TMEM94: variants seen among roughly 807,000 people sequenced by gnomAD.
TMEM94 encodes transmembrane protein 94.
Under a neutral mutation model 158.6 loss-of-function variants are expected in TMEM94, and 81 were observed. The ratio of observed to expected loss-of-function variants is 0.51; its 90% CI spans 0.43 to 0.61. TMEM94 has a LOEUF of 0.61. TMEM94 is among the 20% of genes least tolerant of loss of function. The pLI is 0.00. For synonymous variants in TMEM94, 751 were observed against 730.7 expected (o/e 1.03, Z -0.45); for missense variants, 1,435 against 1,762.0 (o/e 0.81, Z 3.32).
At chr17:75,490,663 C>A in intron 10 of TMEM94, 39 bp from the exon 11 acceptor site, 1 of 1,588,358 alleles carries the variant, frequency 6.3e-7, no homozygotes, top group Non-Finnish European at 8.6e-7. Flanking sequence ...GTGAAGGCGG[C>A]GTTTTCCTCA....
chr17:75,456,917 A>G (rs533174551), intron 1 of TMEM94, among the ~76,000 whole-genome samples, 166 bp downstream of exon 1: 2 of 152,308 alleles, frequency 1.3e-5, no homozygotes, highest in East Asian at 1.9e-4. Context: ...GACTGGCTCT[A>G]GTCTCCAGCT....
At chr17:75,468,567 G>A (rs1052322170) in intron 1 of TMEM94, among the ~76,000 whole-genome samples, 2 of 152,202 alleles carry the variant, frequency 1.3e-5, no homozygotes, top group South Asian at 2.1e-4. Flanking sequence ...TTCAGTTGGC[G>A]ACCAAAGACT....
Position 75,495,356 on chromosome 17 carries a change from C to T in TMEM94, c.2801C>T (p.Pro934Leu). Residue 934 changes from proline to leucine, a missense_variant, in exon 21 of 32, where the codon CCT becomes CTT. Pro to Leu is a moderately conservative substitution (Grantham distance 98). Transcript: ENST00000314256. The surrounding 1 kb of genome is among the most constrained non-coding windows in gnomAD (Gnocchi z 5.6). ...CACTCGGACCTCATCAGCTTCCAGC[C>T]TACGGACAGCGACATCCCCAGCTTC... ...EGHSDLISFQ[P>L]TDSDIPSFLE... The T allele has an allele frequency of 1.2e-6, 2 of 1,613,956 alleles. No individual in the cohort carries two copies. The highest frequency in any genetic ancestry group is 1.7e-6 in the Non-Finnish European group (2 of 1,179,992).
At chr17:75,488,719 A>G in intron 6 of TMEM94, 40 bp from the exon 7 acceptor site, 2 of 1,610,624 alleles carry the variant, frequency 1.2e-6, no homozygotes, top group South Asian at 1.1e-5. Flanking sequence ...GGCCTCTGAT[A>G]GGACCCTCTC....
Position 75,491,352 on chromosome 17 carries a change from G to C in TMEM94, c.1283G>C (p.Ser428Thr), listed in dbSNP as rs1011012424. ...KQGILSWPNP[S>T]PETVLFFSGK... is the part of the protein sequence containing the mutation. ...GGGATCCTGTCATGGCCAAATCCCA[G>C]CCCAGAGACTGTACTGTTCTTCAGC... The change falls in exon 13 of 32, where the codon AGC (serine) becomes ACC (threonine). Residue 428 changes from serine (S) to threonine (T), a missense_variant. Ser to Thr is a moderately conservative substitution (Grantham distance 58). Coordinates refer to ENST00000314256, the MANE Select transcript of TMEM94 (RefSeq NM_014738.6). The surrounding 1 kb of genome is among the most constrained non-coding windows in gnomAD (Gnocchi z 5.1). The C allele has an allele frequency of 6.2e-7, 1 of 1,614,160 alleles. No individual in the cohort carries two copies.
rs2051891557 is a variant in TMEM94, at chr17:75,489,031, C to T, written c.764+121C>T. On this transcript the variant is annotated intron_variant, in intron 7 of 31. Transcript: ENST00000314256. The surrounding 1 kb of genome is among the most constrained non-coding windows in gnomAD (Gnocchi z 5.0). ...TCTTGAGGGCAGGCATCTCCTTAGGCTCCTGTCCTTAACATCTTGTGAGAA... is the reference window on the plus strand; with the variant it reads ...TCTTGAGGGCAGGCATCTCCTTAGGTTCCTGTCCTTAACATCTTGTGAGAA... 1 of 1,108,080 alleles carries T rather than the reference C, an allele frequency of 9.0e-7. No homozygotes were observed. The highest frequency in any genetic ancestry group is 1.3e-6 in the Non-Finnish European group (1 of 766,520). The allele number at this position is 1,108,080 out of a possible 1,614,324, so 68.6% of individuals were successfully genotyped here. A position where few individuals can be genotyped will look rare whatever the true frequency, so the allele number is the denominator to read the frequency against.
intron 1 of TMEM94, among the ~76,000 whole-genome samples, chr17:75,463,334 C>T (rs1476824444): frequency 6.6e-6 from 1 of 151,246 alleles, no homozygotes; most frequent in Non-Finnish European, 1.5e-5. Flanking sequence ...ACCTTTCTAG[C>T]CCTGCTTGCA....
chr17:75,470,974 C>G (rs1238614991), intron 1 of TMEM94, among the ~76,000 whole-genome samples: 1 of 150,878 alleles, frequency 6.6e-6, no homozygotes, highest in Non-Finnish European at 1.5e-5. Context: ...CGCGGTGGCT[C>G]ACGCCTGTAA....
At chr17:75,461,551 C>G (rs2050069239) in intron 1 of TMEM94, among the ~76,000 whole-genome samples, 1 of 152,148 alleles carries the variant, frequency 6.6e-6, no homozygotes, top group Non-Finnish European at 1.5e-5. Flanking sequence ...CTGCTCCCAA[C>G]CATTCCCTAG....
In TMEM94 at chr17:75,485,458, A is replaced by T; in HGVS notation, c.55A>T (p.Thr19Ser). The change falls in exon 3 of 32, where the codon ACG (threonine) becomes TCG (serine). Residue 19 changes from threonine (T) to serine (S), a missense_variant. By Grantham distance (58) the Thr-to-Ser change is moderately conservative. Around this residue, in one of 3 missense-constraint regions of TMEM94, gnomAD observed 1,051 missense variants for 1,254.4 expected, o/e 0.84. Coordinates refer to ENST00000314256, the MANE Select transcript of TMEM94 (RefSeq NM_014738.6). This position sits in a 1 kb window ranked among gnomAD's most constrained non-coding sequence, Gnocchi z 5.5. ...GCCTCCCTCAGCCCTGGGCCTGTCC[A>T]CGCGGAAGGCCCTCAGCGTCCTGAA... ...GEPPSALGLS[T>S]RKALSVLKEQ... is the part of the protein sequence containing the mutation. 1 of 1,614,150 alleles carries T rather than the reference A, an allele frequency of 6.2e-7. No individual in the cohort carries two copies. Among genetic ancestry groups the T allele is most frequent in the South Asian group, 1.1e-5 (1 of 91,086 alleles).
chr17:75,466,808 GA>G (rs200387767), intron 1 of TMEM94, among the ~76,000 whole-genome samples: 3,446 of 148,462 alleles, frequency 0.023, 117 homozygotes, highest in African/African-American at 0.077. Context: ...ACAGGAGTGG[GA>G]AAAAAAAAAT....
intron 2 of TMEM94, chr17:75,476,479 G>C (rs2050696365): frequency 7.2e-7 from 1 of 1,383,292 alleles, no homozygotes; most frequent in African/African-American, 1.5e-5. Flanking sequence ...TGAATCTGCA[G>C]CGTGACTAGA....
Position 75,489,352 on chromosome 17 carries a change from C to T in TMEM94, c.851C>T (p.Ala284Val), listed in dbSNP as rs761046699. 1.2e-6 allele frequency: 2 copies of T among 1,614,160 alleles called. No individual in the cohort carries two copies. Among genetic ancestry groups the T allele is most frequent in the Non-Finnish European group, 1.7e-6 (2 of 1,179,984 alleles). ...FTVQSVMLHY[A>V]VPVVLAGFLI... Reference sequence around the variant, plus strand: ...GTGCAGTCGGTGATGCTACACTATGCTGTGCCCGTGGTCCTGGTGCGTGTG... The same window carrying T: ...GTGCAGTCGGTGATGCTACACTATGTTGTGCCCGTGGTCCTGGTGCGTGTG... The change falls in exon 8 of 32, where the codon GCT becomes GTT. Residue 284 changes from alanine to valine, a missense_variant. Coordinates refer to ENST00000314256, the MANE Select transcript of TMEM94 (RefSeq NM_014738.6). The surrounding 1 kb of genome is among the most constrained non-coding windows in gnomAD (Gnocchi z 5.0).
chr17:75,484,717 T>G (rs1446923971), intron 2 of TMEM94, among the ~76,000 whole-genome samples: 5 of 151,850 alleles, frequency 3.3e-5, no homozygotes, highest in Non-Finnish European at 5.9e-5. Context: ...ATCTCTATGT[T>G]AGTTTCCCTC....
At position 75,491,195 on chromosome 17, in the gene TMEM94, G is replaced by T. The variant is rs118130836; in HGVS notation, c.1233+42G>T. The T allele has an allele frequency of 9.8e-3, 15,544 of 1,593,530 alleles. 81 individuals carry two copies. The highest frequency in any genetic ancestry group is 0.012 in the Non-Finnish European group (13,828 of 1,166,798). On this transcript the variant is annotated intron_variant, in intron 12 of 31. Coordinates refer to ENST00000314256, the MANE Select transcript of TMEM94 (RefSeq NM_014738.6). This position sits in a 1 kb window ranked among gnomAD's most constrained non-coding sequence, Gnocchi z 5.1. ...CGGGGAGGAGGCAACTGTCATGCCCGCCCTGCTCTCTGGCTGGGCCTGGGC... is the reference window on the plus strand; with the variant it reads ...CGGGGAGGAGGCAACTGTCATGCCCTCCCTGCTCTCTGGCTGGGCCTGGGC...
chr17:75,493,166 GC>G, intron 16 of TMEM94, 64 bp downstream of exon 16: 2 of 1,532,676 alleles, frequency 1.3e-6, no homozygotes, highest in Non-Finnish European at 1.8e-6. Flanking sequence ...GGGGGGCTCT[GC>G]CCAGCCCCAC....
chr17:75,497,351 T>G (rs1358937134), intron 26 of TMEM94, among the ~76,000 whole-genome samples, 153 bp downstream of exon 26: 2 of 135,496 alleles, frequency 1.5e-5, no homozygotes, highest in Non-Finnish European at 3.2e-5. Flanking sequence ...TGTCTTTTTT[T>G]TTTTTTTTTT....
chr17:75,476,751 T>C (rs2146314448), intron 2 of TMEM94: 2 of 1,535,754 alleles, frequency 1.3e-6, no homozygotes, highest in East Asian at 2.4e-5. Context: ...AAAGTGAGTA[T>C]GCTGGCAGGG....
Position 75,476,601 on chromosome 17 carries a change from TTCTC to T in TMEM94, c.24+4684_24+4687del, listed in dbSNP as rs142827893. 1.9e-5 allele frequency: 28 copies of T among 1,488,030 alleles called. No homozygotes were observed. The African/African-American group carries it at 2.1e-4, about 11-fold the overall frequency. The allele number at this position is 1,488,030 out of a possible 1,614,324, so 92.2% of individuals were successfully genotyped here. A position where few individuals can be genotyped will look rare whatever the true frequency, so the allele number is the denominator to read the frequency against. ...AGCTGTCTCCGTCTCTTCTCTCCTC[TTCTC>T]TCTCTCTCTCTTTTCACCCTCCCCG... is the stretch of plus-strand genomic sequence containing the variant. On this transcript the variant is annotated intron_variant, in intron 2 of 31. Transcript: ENST00000314256.
Sources: allele counts gnomAD v4.1 joint callset (sites outside exome capture counted in the v4.1 genomes callset), GRCh38; gene constraint gnomAD v4.1.1; regional missense constraint gnomAD v4.1.1; non-coding constraint Gnocchi (gnomAD v3.1); transcripts MANE v1.5; gene names NCBI Gene and HGNC (gene_info 2026-07-23, HGNC 2026-07-21).